SPG21: variants seen among roughly 807,000 people sequenced by gnomAD.
SPG21 encodes maspardin.
Under a neutral mutation model 38.9 loss-of-function variants are expected in SPG21, and 26 were observed. The observed-to-expected ratio is 0.67, with a 90% CI of 0.49 to 0.93. The LOEUF is 0.93. SPG21 is among the 40% of genes least tolerant of loss of function. The probability of loss-of-function intolerance (pLI) is 0.00; values close to 1 mark genes in which losing one functional copy is unlikely to be tolerated. For missense variants in SPG21, 333 were observed against 376.5 expected, an observed-to-expected ratio of 0.88 and a Z score of 0.96; for synonymous variants, 136 against 128.9, an observed-to-expected ratio of 1.05 and a Z score of -0.37.
At chr15:64,969,219 A>G in intron 7 of SPG21, 36 bp downstream of exon 7, 1 of 1,375,680 alleles carries the variant, frequency 7.3e-7, no homozygotes, top group East Asian at 2.3e-5. Flanking sequence ...ACATTTTAAA[A>G]AGTAAAGCAG....
chr15:64,975,483 G>A (rs1720523529), intron 4 of SPG21, among the ~76,000 whole-genome samples: 2 of 147,966 alleles, frequency 1.4e-5, no homozygotes, highest in Admixed American at 1.4e-4. Context: ...AGCCATGATT[G>A]CACCACCGCA....
rs2085519691 is a variant in SPG21, at chr15:64,965,307, A to G, written c.810+13T>C. ...TGGGCTCAGAGTGCTCTGGGTTTCA[A>G]GCTAGGCCTTACCTGTACATAAAGA... On this transcript the variant is annotated intron_variant, in intron 8 of 8. Coordinates refer to ENST00000204566, the MANE Select transcript of SPG21 (RefSeq NM_016630.7). 3 of 1,614,214 alleles carry G rather than the reference A, an allele frequency of 1.9e-6. No homozygotes were observed. The highest frequency in any genetic ancestry group is 2.5e-6 in the Non-Finnish European group (3 of 1,180,038).
At chr15:64,978,721 G>C (rs929333696) in intron 3 of SPG21, among the ~76,000 whole-genome samples, 1 of 152,220 alleles carries the variant, frequency 6.6e-6, no homozygotes, top group Non-Finnish European at 1.5e-5. Flanking sequence ...AAAGAAAGGG[G>C]ATGATACTTT....
chr15:64,970,188 T>C lies in SPG21; in HGVS notation c.487A>G (p.Ile163Val). 5.6e-6 allele frequency: 9 copies of C among 1,613,716 alleles called. No individual in the cohort carries two copies. The highest frequency in any genetic ancestry group is 7.6e-6 in the Non-Finnish European group (9 of 1,179,758). ...CCAGATGAAAAATTTCCAAGAACTA[T>C]TTTTTTGAGCATAAATGCAGGCATC... ...WLMPAFMLKK[I>V]VLGNFSSGPV... Residue 163 changes from isoleucine (I) to valine (V), a missense_variant, in exon 6 of 9, where the codon ATA (isoleucine) becomes GTA (valine). By Grantham distance (29) the Ile-to-Val change is conservative. Coordinates refer to ENST00000204566, the MANE Select transcript of SPG21 (RefSeq NM_016630.7).
intron 7 of SPG21, 32 bp from the exon 8 acceptor site, chr15:64,965,492 G>C (rs934632219): frequency 6.2e-7 from 1 of 1,613,962 alleles, no homozygotes; most frequent in Non-Finnish European, 8.5e-7. Context: ...AGCACCATAG[G>C]AAAGGTAAAA....
At chr15:64,972,412 A>G (rs537490053) in intron 5 of SPG21, among the ~76,000 whole-genome samples, 4 of 152,358 alleles carry the variant, frequency 2.6e-5, no homozygotes, top group African/African-American at 9.6e-5. Context: ...TAGAACAGCA[A>G]TAAAAATCAC....
At chr15:64,965,290 G>C (rs1477669610) in intron 8 of SPG21, 30 bp downstream of exon 8, 2 of 1,614,166 alleles carry the variant, frequency 1.2e-6, no homozygotes, top group East Asian at 4.5e-5. Flanking sequence ...GTTGGGCTCA[G>C]AGTGCTCTGG....
At position 64,983,573 on chromosome 15, in the gene SPG21, T is replaced by A; in HGVS notation, c.-4A>T. The A allele has an allele frequency of 1.3e-6, 2 of 1,568,352 alleles. No individual in the cohort carries two copies. Among genetic ancestry groups the A allele is most frequent in the Non-Finnish European group, 1.7e-6 (2 of 1,152,100 alleles). On this transcript the variant is annotated 5_prime_UTR_variant, in exon 2 of 9. Coordinates refer to ENST00000204566, the MANE Select transcript of SPG21 (RefSeq NM_016630.7). ...GAGAGACTTTAATCTCTCCCATGAT[T>A]AGCTGAAATGGAGGTTAATCCTGAA...
At chr15:64,968,137 C>T (rs1415344215) in intron 7 of SPG21, among the ~76,000 whole-genome samples, 1 of 151,958 alleles carries the variant, frequency 6.6e-6, no homozygotes, top group Non-Finnish European at 1.5e-5. Context: ...AGCTTGAGTC[C>T]CAGAGTTTGA....
intron 3 of SPG21, among the ~76,000 whole-genome samples, chr15:64,978,155 T>C (rs1274116926): frequency 6.7e-6 from 1 of 149,020 alleles, no homozygotes; most frequent in East Asian, 2.1e-4. Context: ...TATATACATA[T>C]AAAACCAACT....
At chr15:64,973,874 A>G (rs939404404) in intron 5 of SPG21, among the ~76,000 whole-genome samples, 1 of 152,234 alleles carries the variant, frequency 6.6e-6, no homozygotes, top group Non-Finnish European at 1.5e-5. Context: ...AAGGAAATAA[A>G]TTGGAAAGGG....
At chr15:64,967,552 C>A (rs1178199841) in intron 7 of SPG21, among the ~76,000 whole-genome samples, 1 of 151,996 alleles carries the variant, frequency 6.6e-6, no homozygotes, top group African/African-American at 2.4e-5. Context: ...CAGCTCACTG[C>A]AACCTCCACC....
At chr15:64,987,619 C>A (rs2086021444) in intron 1 of SPG21, 1 of 152,278 alleles carries the variant, frequency 6.6e-6, no homozygotes. Context: ...ACAAAAGCAC[C>A]TGTTCATGCT....
chr15:64,963,877 C>T (rs1327027787), intron 8 of SPG21, 141 bp from the exon 9 acceptor site: 1 of 685,990 alleles, frequency 1.5e-6, no homozygotes, highest in East Asian at 3.1e-5. Flanking sequence ...CTGCCTCAGC[C>T]TCCCGAGTAG....
At chr15:64,980,640 A>T (rs1304619009) in intron 3 of SPG21, among the ~76,000 whole-genome samples, 1 of 151,996 alleles carries the variant, frequency 6.6e-6, no homozygotes, top group Non-Finnish European at 1.5e-5. Context: ...CGGGAGGCTG[A>T]GGCAGGAGAA....
chr15:64,981,433 G>A (rs2085885421), intron 2 of SPG21: 4 of 217,012 alleles, frequency 1.8e-5, no homozygotes, highest in Non-Finnish European at 3.7e-5. Flanking sequence ...GGGATTATAG[G>A]CACACACCCT....
Position 64,976,412 on chromosome 15 carries a change from G to A in SPG21, c.306+63C>T. The stretch of plus-strand genomic sequence containing the variant: ...TGCACTCCAGCCTGGGTGACAGAGT[G>A]AGACTTCATCTCAAAAAATAAAAAA... On this transcript the variant is annotated intron_variant, in intron 4 of 8. Transcript: ENST00000204566. 4 of 1,211,722 alleles carry A rather than the reference G, an allele frequency of 3.3e-6. No homozygotes were observed. In the South Asian group the frequency reaches 3.7e-5, roughly 11 times the overall value. 75.1% of individuals were successfully genotyped at this position (1,211,722 alleles called of 1,614,324 possible). A position where few individuals can be genotyped will look rare whatever the true frequency, so the allele number is the denominator to read the frequency against.
chr15:64,967,856 G>C (rs1051903746), intron 7 of SPG21, among the ~76,000 whole-genome samples: 3 of 152,036 alleles, frequency 2.0e-5, no homozygotes, highest in African/African-American at 7.3e-5. Context: ...ATCCTCTTGA[G>C]TCAGCCTCCC....
rs184121390 is a variant in SPG21, at chr15:64,983,127, G to A, written c.63+380C>T. 7.9e-4 allele frequency: 231 copies of A among 290,968 alleles called. 1 individual carries two copies. Among genetic ancestry groups the A allele is most frequent in the African/African-American group, 5.0e-3 (219 of 44,020 alleles). The allele number at this position is 290,968 out of a possible 1,614,324, so 18.0% of individuals were successfully genotyped here. On this transcript the variant is annotated intron_variant, in intron 2 of 8. Coordinates refer to ENST00000204566, the MANE Select transcript of SPG21 (RefSeq NM_016630.7). ...ACAAAAATTAGCTGAGTGTGGTAGC[G>A]CATGCCTGTAATCCTAGCTACTTGG...
Sources: gnomAD v4.1 joint callset for allele counts (sites outside exome capture counted in the v4.1 genomes callset) on GRCh38, gnomAD v4.1.1 for gene constraint, MANE v1.5 for transcripts, NCBI Gene and HGNC (gene_info 2026-07-23, HGNC 2026-07-21) for gene names.